Variants in TSNARE1 observed in about 807,000 individuals in gnomAD.
TSNARE1 encodes the protein t-SNARE domain-containing protein 1.
TSNARE1 carries 49 observed loss-of-function variants against 62.0 expected under a neutral mutation model. The ratio of observed to expected loss-of-function variants is 0.79; its 90% CI spans 0.63 to 1.00. TSNARE1 has a LOEUF of 1.00. TSNARE1 is among the 50% of genes least tolerant of loss of function. The pLI is 0.00. For missense variants in TSNARE1, 755 were observed against 700.1 expected, an observed-to-expected ratio of 1.08 and a Z score of -0.88; for synonymous variants, 328 against 294.4, an observed-to-expected ratio of 1.11 and a Z score of -1.17.
At chr8:142,330,878 G>T (rs745502960) in intron 6 of TSNARE1, 23 bp downstream of exon 6, 3 of 1,613,226 alleles carry the variant, frequency 1.9e-6, no homozygotes, top group East Asian at 2.2e-5. Context: ...CAGGCAAAGA[G>T]ATACCATGGC....
rs149043616 is a variant in TSNARE1 at position 142,314,418 on chromosome 8, G to A, written c.1097C>T (p.Ala366Val). ...GCCCCTCTGCGCCATGGGAAGCAGC[G>A]CTCTGGACTTTTCTGCAATTTTCTG... ...VQKKIAEKSR[A>V]LLPMAQRGSK... Residue 366 changes from alanine to valine, a missense_variant, in exon 9 of 14, where the codon GCG (alanine) becomes GTG (valine). Ala to Val is a moderately conservative substitution (Grantham distance 64, BLOSUM62 0). Coordinates refer to ENST00000524325, the MANE Select transcript of TSNARE1 (RefSeq NM_145003.5). The A allele has an allele frequency of 7.3e-5, 118 of 1,614,002 alleles. No individual in the cohort carries two copies. The highest frequency in any genetic ancestry group is 5.3e-4 in the African/African-American group (40 of 75,066).
At chr8:142,215,928 G>T (rs574836530) in intron 13 of TSNARE1, among the ~76,000 whole-genome samples, 1 of 152,200 alleles carries the variant, frequency 6.6e-6, no homozygotes, top group Non-Finnish European at 1.5e-5. Context: ...CATGGAATTC[G>T]GGGTGAGGCC....
rs548564417 is a variant in TSNARE1, at chr8:142,310,201, C to T, written c.1131+4183G>A. Among the ~76,000 whole-genome samples, 6 of 152,272 alleles carry T rather than the reference C, an allele frequency of 3.9e-5. No individual in the cohort carries two copies. In the South Asian group the frequency reaches 6.2e-4, roughly 16 times the overall value. ...TGCCTACTGAACGTGTTTTATATTT[C>T]GTTAATTTCTGCCTTAGTAATTGCA... On this transcript the variant is annotated intron_variant, in intron 9 of 13. Coordinates refer to ENST00000524325, the MANE Select transcript of TSNARE1 (RefSeq NM_145003.5).
intron 13 of TSNARE1, among the ~76,000 whole-genome samples, chr8:142,227,171 GC>G: frequency 6.9e-6 from 1 of 144,582 alleles, no homozygotes; most frequent in African/African-American, 2.6e-5. Context: ...CCTCCACTGT[GC>G]CCACACCCCA....
At chr8:142,383,955 G>A (rs1459143448) in intron 1 of TSNARE1, among the ~76,000 whole-genome samples, 1 of 152,148 alleles carries the variant, frequency 6.6e-6, no homozygotes, top group Non-Finnish European at 1.5e-5. Context: ...AGAACAGAGA[G>A]GGCAGGCAGG....
chr8:142,310,195 A>T (rs530122777), intron 9 of TSNARE1, among the ~76,000 whole-genome samples: 2 of 152,294 alleles, frequency 1.3e-5, no homozygotes, highest in South Asian at 4.1e-4. Context: ...AACGTGTTTT[A>T]TATTTCGTTA....
chr8:142,320,160 C>T (rs1309108858), intron 6 of TSNARE1, among the ~76,000 whole-genome samples: 1 of 152,214 alleles, frequency 6.6e-6, no homozygotes, highest in Admixed American at 6.5e-5. Context: ...ACTGCATCCC[C>T]TCACATTCTG....
intron 13 of TSNARE1, among the ~76,000 whole-genome samples, chr8:142,219,585 C>T (rs1354869876): frequency 1.3e-5 from 2 of 152,226 alleles, no homozygotes; most frequent in Admixed American, 6.5e-5. Context: ...CTGACCGACA[C>T]GTGGCCCTGC....
At chr8:142,217,912 CAG>C (rs1322458976) in intron 13 of TSNARE1, among the ~76,000 whole-genome samples, 2,326 of 68,434 alleles carry the variant, frequency 0.034, 29 homozygotes, top group African/African-American at 0.046. Flanking sequence ...GATCAGGGCT[CAG>C]AGTGTGAACA....
chr8:142,384,489 C>T (rs969979702), intron 1 of TSNARE1, among the ~76,000 whole-genome samples: 4 of 151,996 alleles, frequency 2.6e-5, no homozygotes, highest in Non-Finnish European at 5.9e-5. Context: ...TATATAGACC[C>T]AAAGAATAGA....
At chr8:142,376,177 C>T (rs1243950909) in intron 1 of TSNARE1, among the ~76,000 whole-genome samples, 1 of 152,174 alleles carries the variant, frequency 6.6e-6, no homozygotes, top group Non-Finnish European at 1.5e-5. Flanking sequence ...GAGCAATTTG[C>T]ACCCCGCAGG....
chr8:142,263,305 G>A (rs906780545), intron 12 of TSNARE1, among the ~76,000 whole-genome samples: 2 of 152,178 alleles, frequency 1.3e-5, no homozygotes, highest in Non-Finnish European at 1.5e-5. Flanking sequence ...CTATTCCAGT[G>A]GGGTGAATTC....
At chr8:142,308,735 T>C (rs183446935) in intron 9 of TSNARE1, among the ~76,000 whole-genome samples, 7 of 152,338 alleles carry the variant, frequency 4.6e-5, no homozygotes, top group East Asian at 3.9e-4. Flanking sequence ...GCCTTTGCTA[T>C]CTTGGGTCTT....
Position 142,308,257 on chromosome 8 carries a change from G to A in TSNARE1, c.1131+6127C>T, listed in dbSNP as rs117083090. 3.0e-3 allele frequency among the ~76,000 whole-genome samples: 454 copies of A among 152,280 alleles called. 2 individuals are homozygous for A. The highest frequency in any genetic ancestry group is 3.1e-3 in the Non-Finnish European group (209 of 68,032). On this transcript the variant is annotated intron_variant, in intron 9 of 13. Coordinates refer to ENST00000524325, the MANE Select transcript of TSNARE1 (RefSeq NM_145003.5). ...TCTCCTTTGCGGTTGGCACTTGTGC[G>A]TCTGTGTAAGAAATACTTGTCCACC... is the stretch of plus-strand genomic sequence containing the variant.
At chr8:142,364,167 G>A (rs944674199) in intron 1 of TSNARE1, among the ~76,000 whole-genome samples, 3 of 152,168 alleles carry the variant, frequency 2.0e-5, no homozygotes, top group South Asian at 2.1e-4. Context: ...GTTCCTCGGC[G>A]CTCTCCCTGC....
In TSNARE1 at chr8:142,236,108, G is replaced by A. The variant is rs549524317; in HGVS notation, c.1447-6529C>T. 3.3e-4 allele frequency among the ~76,000 whole-genome samples: 51 copies of A among 152,338 alleles called. 1 individual carries two copies. In the South Asian group the frequency reaches 9.5e-3, roughly 29 times the overall value. ...CGTGGCCATGAGGCTCTGCCCATTC[G>A]AGGCTTCAGTTTCCCCGGTCAGTTT... is the stretch of plus-strand genomic sequence containing the variant. On this transcript the variant is annotated intron_variant, in intron 12 of 13. Coordinates refer to ENST00000524325, the MANE Select transcript of TSNARE1 (RefSeq NM_145003.5).
At chr8:142,223,062 A>G (rs1426244337) in intron 13 of TSNARE1, among the ~76,000 whole-genome samples, 5 of 144,834 alleles carry the variant, frequency 3.5e-5, no homozygotes, top group Non-Finnish European at 7.5e-5. Context: ...TCACTCATTC[A>G]CTTACTCGCT....
Position 142,330,965 on chromosome 8 carries a change from A to T in TSNARE1, c.829T>A (p.Ser277Thr). 1 of 1,613,940 alleles carries T rather than the reference A, an allele frequency of 6.2e-7. No individual in the cohort carries two copies. The highest frequency in any genetic ancestry group is 8.5e-7 in the Non-Finnish European group (1 of 1,179,924). Residue 277 changes from serine (S) to threonine (T), a missense_variant, in exon 6 of 14, where the codon TCC (serine) becomes ACC (threonine). Physicochemically the swap from Ser to Thr is moderately conservative, Grantham distance 58 (BLOSUM62 1). Coordinates refer to ENST00000524325, the MANE Select transcript of TSNARE1 (RefSeq NM_145003.5). ...AAGGACTGAAGGCTCCGCTCCAAGG[A>T]GGTCACTGCCCGAGAGAAGAGGGAC... is the stretch of plus-strand genomic sequence containing the variant. ...NVFRINSSVT[S>T]LERSLQSLGT...
chr8:142,277,853 G>T, intron 11 of TSNARE1: 1 of 985,364 alleles, frequency 1.0e-6, no homozygotes, highest in Non-Finnish European at 1.2e-6. Flanking sequence ...CTGAGGACTT[G>T]CAGAAAAGGA....
Sources: allele counts gnomAD v4.1 joint callset (sites outside exome capture counted in the v4.1 genomes callset), GRCh38; gene constraint gnomAD v4.1.1; transcripts MANE v1.5; gene names NCBI Gene and HGNC (gene_info 2026-07-23, HGNC 2026-07-21).